The following OLA1 variants were observed in gnomAD, a reference collection of about 807,000 sequenced individuals.
OLA1 encodes the protein Obg like ATPase 1.
A neutral mutation model predicts 48.4 loss-of-function variants in OLA1; 14 were observed. The observed-to-expected ratio is 0.29, with a 90% CI of 0.19 to 0.45. OLA1 has a LOEUF of 0.45. Among genes scored for constraint, OLA1 ranks in the 20% least tolerant of loss-of-function variants. The probability of loss-of-function intolerance (pLI) is 1.00; values close to 1 mark genes in which losing one functional copy is unlikely to be tolerated. For missense variants in OLA1, 325 were observed against 467.1 expected, an observed-to-expected ratio of 0.70 and a Z score of 2.80; for synonymous variants, 127 against 150.4, an observed-to-expected ratio of 0.84 and a Z score of 1.14.
intron 4 of OLA1, among the ~76,000 whole-genome samples, chr2:174,207,782 A>T (rs1422603268): frequency 6.6e-6 from 1 of 152,202 alleles, no homozygotes; most frequent in Non-Finnish European, 1.5e-5. Context: ...AACAGAAATT[A>T]AATTATTGGC....
Position 174,229,351 on chromosome 2 carries a change from C to G in OLA1, c.202G>C (p.Asp68His). Residue 68 changes from aspartate to histidine, a missense_variant, in exon 3 of 11, where the codon GAT becomes CAT. Coordinates refer to ENST00000284719, the MANE Select transcript of OLA1 (RefSeq NM_013341.5). ...TGACAAAGAAAGTCAAACCTTTCATCTGGCACAGGTACTCTGCTCTCATTA... is the reference window on the plus strand; with the variant it reads ...TGACAAAGAAAGTCAAACCTTTCATGTGGCACAGGTACTCTGCTCTCATTA... ...DPNESRVPVP[D>H]ERFDFLCQYH... 6.2e-7 allele frequency: 1 copy of G among 1,612,816 alleles called. No individual in the cohort carries two copies.
At chr2:174,145,341 T>A (rs1328204124) in intron 4 of OLA1, among the ~76,000 whole-genome samples, 2 of 152,078 alleles carry the variant, frequency 1.3e-5, no homozygotes, top group East Asian at 3.9e-4. Flanking sequence ...GGGTTTTTTT[T>A]CCCCCAGAAA....
intron 8 of OLA1, among the ~76,000 whole-genome samples, chr2:174,081,645 C>A (rs776018372): frequency 2.0e-5 from 3 of 152,080 alleles, no homozygotes; most frequent in Non-Finnish European, 2.9e-5. Context: ...CCCTCCCCCA[C>A]TGAACATGAC....
intron 7 of OLA1, among the ~76,000 whole-genome samples, chr2:174,097,456 G>C (rs751699173): frequency 6.6e-6 from 1 of 152,160 alleles, no homozygotes; most frequent in Non-Finnish European, 1.5e-5. Context: ...AAACAGAAAA[G>C]GAAAGGTTTT....
intron 4 of OLA1, among the ~76,000 whole-genome samples, chr2:174,170,026 A>G (rs1687258605): frequency 6.6e-6 from 1 of 152,176 alleles, no homozygotes; most frequent in African/African-American, 2.4e-5. Context: ...ATGAAGTGAT[A>G]CAATATAAAC....
intron 4 of OLA1, among the ~76,000 whole-genome samples, chr2:174,203,689 T>C (rs1688042807): frequency 6.6e-6 from 1 of 152,126 alleles, no homozygotes; most frequent in African/African-American, 2.4e-5. Context: ...TTACTCTAGA[T>C]AGGGTAAATA....
intron 4 of OLA1, among the ~76,000 whole-genome samples, chr2:174,153,391 GAT>G (rs1174316543): frequency 6.6e-6 from 1 of 152,040 alleles, no homozygotes; most frequent in East Asian, 1.9e-4. Context: ...AGTAAGATGA[GAT>G]AAAGAGAAAG....
At position 174,223,111 on chromosome 2, in the gene OLA1, C is replaced by T; in HGVS notation, c.295G>A (p.Gly99Arg). 1 of 1,613,820 alleles carries T rather than the reference C, an allele frequency of 6.2e-7. No homozygotes were observed. The highest frequency in any genetic ancestry group is 8.5e-7 in the Non-Finnish European group (1 of 1,179,756). Residue 99 changes from glycine (G) to arginine (R), a missense_variant, in exon 4 of 11, where the codon GGA (glycine) becomes AGA (arginine). By Grantham distance (125) the Gly-to-Arg change is moderately radical. Transcript: ENST00000284719. ...NVVDIAGLVK[G>R]AHNGQGLGNA... ...CCCAGGCCCTGCCCATTGTGAGCTC[C>T]TTTCACAAGGCCAGCAATATCCACC...
At chr2:174,110,147 G>A (rs923900705) in intron 7 of OLA1, among the ~76,000 whole-genome samples, 1 of 140,464 alleles carries the variant, frequency 7.1e-6, no homozygotes, top group Non-Finnish European at 1.5e-5. Flanking sequence ...CCAGTCTGGA[G>A]TGCAGTGGTG....
chr2:174,077,341 C>CATAG (rs1684766799), intron 10 of OLA1, among the ~76,000 whole-genome samples: 1 of 151,704 alleles, frequency 6.6e-6, no homozygotes, highest in South Asian at 2.1e-4. Context: ...TACATACATA[C>CATAG]ATACATACAT....
intron 10 of OLA1, among the ~76,000 whole-genome samples, chr2:174,076,579 T>C (rs926172236): frequency 6.6e-6 from 1 of 152,072 alleles, no homozygotes; most frequent in African/African-American, 2.4e-5. Flanking sequence ...AGATCATACA[T>C]CTGAGGGTAA....
At chr2:174,220,944 G>A (rs755436029) in intron 4 of OLA1, among the ~76,000 whole-genome samples, 1 of 152,026 alleles carries the variant, frequency 6.6e-6, no homozygotes, top group Non-Finnish European at 1.5e-5. Context: ...TGAAATTAAA[G>A]AATTATCAAT....
intron 7 of OLA1, among the ~76,000 whole-genome samples, chr2:174,090,407 G>A (rs1685087161): frequency 6.6e-6 from 1 of 152,126 alleles, no homozygotes. Flanking sequence ...ATAAACAGGT[G>A]GAAAGAAAAC....
chr2:174,108,091 C>T (rs1232216208), intron 7 of OLA1, among the ~76,000 whole-genome samples: 2 of 151,878 alleles, frequency 1.3e-5, no homozygotes, highest in African/African-American at 2.4e-5. Flanking sequence ...TAAAATACTG[C>T]CTTGCCTCAA....
intron 5 of OLA1, 37 bp downstream of exon 5, chr2:174,141,788 T>C (rs755278637): frequency 1.4e-6 from 2 of 1,473,914 alleles, no homozygotes; most frequent in South Asian, 2.5e-5. Context: ...AAAAATAAAC[T>C]CTTGAGTATC....
intron 4 of OLA1, among the ~76,000 whole-genome samples, chr2:174,217,547 T>TA (rs1688390049): frequency 6.6e-6 from 1 of 152,176 alleles, no homozygotes; most frequent in Non-Finnish European, 1.5e-5. Flanking sequence ...GAAAGTGACA[T>TA]ACAACAAAAT....
chr2:174,230,513 T>C (rs1460532626), intron 2 of OLA1, among the ~76,000 whole-genome samples: 2 of 152,204 alleles, frequency 1.3e-5, no homozygotes, highest in South Asian at 4.1e-4. Flanking sequence ...TAATTACCAA[T>C]GACAGTTAGT....
intron 4 of OLA1, among the ~76,000 whole-genome samples, chr2:174,156,437 G>A (rs1686879385): frequency 1.3e-5 from 2 of 152,280 alleles, no homozygotes; most frequent in Admixed American, 6.5e-5. Flanking sequence ...AGGTTCAAAT[G>A]TGTAGATGTC....
rs1286232542 is a variant in OLA1 at position 174,174,046 on chromosome 2, AAAAAAAC to A, written c.374-32053_374-32047del. Reference sequence around the variant, plus strand: ...CACACACACACACACAAAAAAAAAAAAAAAAACAAAAAAAAACTCCACGCCTAGATGG... The same window carrying A: ...CACACACACACACACAAAAAAAAAAAAAAAAAAAACTCCACGCCTAGATGG... On this transcript the variant is annotated intron_variant, in intron 4 of 10. Coordinates refer to ENST00000284719, the MANE Select transcript of OLA1 (RefSeq NM_013341.5). 9.4e-5 allele frequency among the ~76,000 whole-genome samples: 14 copies of A among 149,544 alleles called. No individual in the cohort carries two copies. The East Asian group carries it at 1.4e-3, about 15-fold the overall frequency.
Sources: gnomAD v4.1 joint callset for allele counts (sites outside exome capture counted in the v4.1 genomes callset) on GRCh38, gnomAD v4.1.1 for gene constraint, MANE v1.5 for transcripts, NCBI Gene and HGNC (gene_info 2026-07-23, HGNC 2026-07-21) for gene names.